Variants in SLC30A8 observed in about 807,000 individuals in gnomAD.
SLC30A8 encodes the protein proton-coupled zinc antiporter SLC30A8.
A neutral mutation model predicts 36.9 loss-of-function variants in SLC30A8; 27 were observed. The observed-to-expected ratio is 0.73, with a 90% confidence interval of 0.54 to 1.01. SLC30A8 has a LOEUF of 1.01. SLC30A8 is among the 50% of genes least tolerant of loss of function. The pLI, the probability that SLC30A8 is intolerant of heterozygous loss-of-function variation, is 0.00. For synonymous variants in SLC30A8, 164 were observed against 172.4 expected (o/e 0.95, Z 0.38); for missense variants, 439 against 452.0 (o/e 0.97, Z 0.26).
At chr8:117,035,532 C>T (rs1817184860) in intron 1 of SLC30A8, among the ~76,000 whole-genome samples, 1 of 152,254 alleles carries the variant, frequency 6.6e-6, no homozygotes, top group African/African-American at 2.4e-5. Flanking sequence ...TTTCCAGGTG[C>T]AGGGTGCAAG....
chr8:116,952,789 A>G (rs917126958), intron 1 of SLC30A8, among the ~76,000 whole-genome samples: 4 of 152,246 alleles, frequency 2.6e-5, no homozygotes, highest in Admixed American at 2.6e-4. Flanking sequence ...AGATAATGTG[A>G]GTAAGCATCT....
intron 2 of SLC30A8, chr8:117,129,968 A>G (rs1360902514): frequency 6.6e-6 from 1 of 151,972 alleles, no homozygotes; most frequent in Non-Finnish European, 1.5e-5. Context: ...TATCTGGGTG[A>G]CTTGGTCGAG....
intron 2 of SLC30A8, among the ~76,000 whole-genome samples, chr8:117,074,963 A>G (rs891410549): frequency 3.3e-5 from 5 of 152,188 alleles, no homozygotes; most frequent in African/African-American, 9.6e-5. Context: ...GGAATTATGC[A>G]TTAGTTTTTT....
At position 117,135,129 on chromosome 8, in the gene SLC30A8, A is replaced by G. The variant is rs1179983067; in HGVS notation, c.-199A>G. 2.4e-6 allele frequency: 1 copy of G among 416,452 alleles called. No homozygotes were observed. Among genetic ancestry groups the G allele is most frequent in the Non-Finnish European group, 4.3e-6 (1 of 233,156 alleles). 25.8% of individuals were successfully genotyped at this position (416,452 alleles called of 1,614,324 possible). On this transcript the variant is annotated 5_prime_UTR_variant, in exon 1 of 8. Coordinates refer to ENST00000456015, the MANE Select transcript of SLC30A8 (RefSeq NM_173851.3). ...TTTTGTAGGTGAAAACAATGAAGCC[A>G]GGTAATATTGCAAGGAGGCTGTAAT...
At chr8:117,018,675 C>CCCCT (rs761796400) in intron 1 of SLC30A8, among the ~76,000 whole-genome samples, 1 of 105,352 alleles carries the variant, frequency 9.5e-6, no homozygotes, top group African/African-American at 3.2e-5. Flanking sequence ...CCCCCCCCCC[C>CCCCT]TTTTTTTTTT....
At chr8:117,107,789 G>T (rs370537334) in intron 2 of SLC30A8, among the ~76,000 whole-genome samples, 1 of 152,100 alleles carries the variant, frequency 6.6e-6, no homozygotes, top group African/African-American at 2.4e-5. Flanking sequence ...TGGGATAAAG[G>T]TCAGCAATTA....
At chr8:117,162,414 A>G (rs542655874) in intron 5 of SLC30A8, among the ~76,000 whole-genome samples, 1 of 152,082 alleles carries the variant, frequency 6.6e-6, no homozygotes, top group East Asian at 1.9e-4. Flanking sequence ...AGTATTGCCC[A>G]CAATGGGGGA....
chr8:117,105,241 C>T (rs1353916690), intron 2 of SLC30A8, among the ~76,000 whole-genome samples: 2 of 152,138 alleles, frequency 1.3e-5, no homozygotes, highest in Non-Finnish European at 2.9e-5. Context: ...ACGCCTCTGA[C>T]ATTTCTATTA....
At chr8:117,066,669 T>C (rs1818180128) in intron 2 of SLC30A8, among the ~76,000 whole-genome samples, 1 of 152,114 alleles carries the variant, frequency 6.6e-6, no homozygotes, top group East Asian at 1.9e-4. Context: ...CAATCAGTGT[T>C]AGGGAGATCC....
At chr8:117,088,890 A>C (rs1028940231) in intron 2 of SLC30A8, among the ~76,000 whole-genome samples, 1 of 152,218 alleles carries the variant, frequency 6.6e-6, no homozygotes, top group African/African-American at 2.4e-5. Flanking sequence ...GAGGTAGCAC[A>C]TGAATGTATC....
chr8:117,162,816 G>T (rs1822860149), intron 5 of SLC30A8, among the ~76,000 whole-genome samples: 2 of 152,206 alleles, frequency 1.3e-5, no homozygotes, highest in Non-Finnish European at 2.9e-5. Context: ...CTGTGGCATA[G>T]AACTTTCTCA....
At chr8:117,170,995 G>C (rs761213992) in intron 6 of SLC30A8, 39 bp from the exon 7 acceptor site, 2 of 1,532,882 alleles carry the variant, frequency 1.3e-6, no homozygotes, top group Non-Finnish European at 1.8e-6. Context: ...GCTGTATCTA[G>C]TTGAATAACT....
chr8:117,018,672 C>CG lies in SLC30A8; in HGVS notation c.-265-20547_-265-20546insG, dbSNP rs1182501599. The stretch of plus-strand genomic sequence containing the variant: ...GGGCCAAATCTGACTAGCCCCCCCC[C>CG]CCCTTTTTTTTTTTGATGGAGTCTT... On this transcript the variant is annotated intron_variant, in intron 1 of 10. Transcript: ENST00000427715. Among the ~76,000 whole-genome samples, 13 of 123,420 alleles carry CG rather than the reference C, an allele frequency of 1.1e-4. 1 individual carries two copies. Among genetic ancestry groups the CG allele is most frequent in the African/African-American group, 3.4e-4 (11 of 32,078 alleles). 81.0% of individuals were successfully genotyped at this position (123,420 alleles called of 152,430 possible). A position where few individuals can be genotyped will look rare whatever the true frequency, so the allele number is the denominator to read the frequency against.
chr8:117,131,632 C>A (rs1307047505), upstream of SLC30A8, among the ~76,000 whole-genome samples: 1 of 151,944 alleles, frequency 6.6e-6, no homozygotes, highest in Non-Finnish European at 1.5e-5. Flanking sequence ...TTTTCAATAA[C>A]CTTTATTTCC....
chr8:117,054,244 G>A (rs565075005), intron 2 of SLC30A8, among the ~76,000 whole-genome samples: 2 of 152,106 alleles, frequency 1.3e-5, no homozygotes, highest in Admixed American at 6.5e-5. Context: ...GACGACAGGC[G>A]TGTGGTACCG....
At chr8:116,956,384 C>A (rs1814202882) in intron 1 of SLC30A8, among the ~76,000 whole-genome samples, 1 of 152,124 alleles carries the variant, frequency 6.6e-6, no homozygotes, top group African/African-American at 2.4e-5. Flanking sequence ...TAGGCCATGA[C>A]AAATTCCAGG....
chr8:117,099,853 G>C (rs1022298406), intron 2 of SLC30A8, among the ~76,000 whole-genome samples: 1 of 152,200 alleles, frequency 6.6e-6, no homozygotes, highest in Non-Finnish European at 1.5e-5. Context: ...ATTGAAGTAA[G>C]TGCTTTACAT....
intron 3 of SLC30A8, among the ~76,000 whole-genome samples, chr8:117,153,723 GGTGTGTGTGTGTGTGTGTGTGT>G (rs59464276): frequency 6.8e-6 from 1 of 146,910 alleles, no homozygotes; most frequent in Non-Finnish European, 1.5e-5. Context: ...CATGATAAGG[GGTGTGTGTGTGTGTGTGTGTGT>G]GTGTGTGTGT....
chr8:117,104,817 C>G (rs1236653139), intron 2 of SLC30A8, among the ~76,000 whole-genome samples: 5 of 152,146 alleles, frequency 3.3e-5, no homozygotes. Context: ...ATATGCTAAA[C>G]AATGTGTGGA....
Sources: gnomAD v4.1 joint callset for allele counts (sites outside exome capture counted in the v4.1 genomes callset) on GRCh38, gnomAD v4.1.1 for gene constraint, MANE v1.5 for transcripts, NCBI Gene and HGNC (gene_info 2026-07-23, HGNC 2026-07-21) for gene names.